The following ATP2C2 variants were observed in gnomAD, a reference collection of about 807,000 sequenced individuals.
The protein encoded by ATP2C2 is calcium-transporting ATPase type 2C member 2.
In ATP2C2, 171 loss-of-function variants were observed where a neutral mutation model predicts 110.8. The ratio of observed to expected loss-of-function variants is 1.54; its 90% CI spans 1.36 to 1.75. The LOEUF is 1.75. Among genes scored for constraint, ATP2C2 ranks in the 40% most tolerant of loss-of-function variants. ATP2C2 has a pLI of 0.00. For synonymous variants in ATP2C2, 804 were observed against 508.4 expected (o/e 1.58, Z -7.82); for missense variants, 1,963 against 1,235.0 (o/e 1.59, Z -8.84).
At chr16:84,407,097 G>T (rs533049108) in intron 3 of ATP2C2, 1 of 152,246 alleles carries the variant, frequency 6.6e-6, no homozygotes, top group East Asian at 1.9e-4. Context: ...TTGCGTATAC[G>T]GGTTCTGTCT....
At chr16:84,459,035 AC>A in intron 21 of ATP2C2, 84 bp from the exon 22 acceptor site, 4 of 1,455,696 alleles carry the variant, frequency 2.7e-6, no homozygotes, top group Non-Finnish European at 3.8e-6. Flanking sequence ...TGGGCGAGTC[AC>A]CACTGCCCCT....
At chr16:84,424,754 C>T (rs926472128) in intron 10 of ATP2C2, among the ~76,000 whole-genome samples, 1 of 151,784 alleles carries the variant, frequency 6.6e-6, no homozygotes, top group Non-Finnish European at 1.5e-5. Context: ...GGTGCAAATA[C>T]TCTCAGTGTG....
At chr16:84,424,522 C>T (rs1271866535) in intron 10 of ATP2C2, among the ~76,000 whole-genome samples, 1 of 150,570 alleles carries the variant, frequency 6.6e-6, no homozygotes, top group Non-Finnish European at 1.5e-5. Context: ...AAGTGATCTG[C>T]CCGCCTTGGC....
At chr16:84,448,125 G>T (rs1909927504) in intron 16 of ATP2C2, among the ~76,000 whole-genome samples, 1 of 152,080 alleles carries the variant, frequency 6.6e-6, no homozygotes, top group African/African-American at 2.4e-5. Context: ...AGTGCTGGGG[G>T]TGGGTACAAA....
At position 84,448,647 on chromosome 16, in the gene ATP2C2, T is replaced by C; in HGVS notation, c.1618T>C (p.Cys540Arg). The change falls in exon 17 of 27, where the codon TGC (cysteine) becomes CGC (arginine). Residue 540 changes from cysteine (C) to arginine (R), a missense_variant. Cys to Arg is a radical substitution (Grantham distance 180, BLOSUM62 -3). Coordinates refer to ENST00000262429, the MANE Select transcript of ATP2C2 (RefSeq NM_014861.4). ...GCTGACGCCCCAGCAGAGGTCATTC[T>C]GCCTGCAGGAAGAGAAGAGGATGGG... ...LPLTPQQRSFCLQEEKRMGSL... is the reference protein window; with the variant it reads ...LPLTPQQRSFRLQEEKRMGSL... The C allele has an allele frequency of 6.2e-7, 1 of 1,613,982 alleles. No individual in the cohort carries two copies. The highest frequency in any genetic ancestry group is 8.5e-7 in the Non-Finnish European group (1 of 1,179,920).
chr16:84,415,452 A>T, intron 6 of ATP2C2, 31 bp from the exon 7 acceptor site: 1 of 1,569,804 alleles, frequency 6.4e-7, no homozygotes, highest in Non-Finnish European at 8.8e-7. Flanking sequence ...GTCAGCATGG[A>T]TGCTTTTGCT....
chr16:84,398,525 C>T lies in ATP2C2; in HGVS notation c.126C>T (p.Ala42=), dbSNP rs767472467. ...TTGATGAACAGAGTGAGCTGAAAGC[C>T]ATCGAGAAAGAGAAGAAGGTGACAG... ...ALIDEQSELK[A]IEKEKKVTAL... is the part of the protein sequence containing the mutation. Residue 42 remains alanine, a synonymous_variant, in exon 2 of 27, where the codon GCC becomes GCT. Transcript: ENST00000262429. The T allele has an allele frequency of 6.2e-6, 10 of 1,612,408 alleles. No individual in the cohort carries two copies. Among genetic ancestry groups the T allele is most frequent in the East Asian group, 2.2e-5 (1 of 44,828 alleles).
intron 1 of ATP2C2, among the ~76,000 whole-genome samples, chr16:84,373,914 T>C (rs1910107323): frequency 6.6e-6 from 1 of 152,192 alleles, no homozygotes; most frequent in African/African-American, 2.4e-5. Flanking sequence ...CAAAATGACA[T>C]TTACATTTGT....
intron 21 of ATP2C2, among the ~76,000 whole-genome samples, chr16:84,458,492 TAATAAA>T (rs1910905533): frequency 4.2e-5 from 1 of 23,890 alleles, no homozygotes; most frequent in Non-Finnish European, 1.4e-4. Flanking sequence ...ACTTAGAGTA[TAATAAA>T]AAAAAAAAAA....
At chr16:84,439,584 T>TAG in intron 13 of ATP2C2, 60 bp downstream of exon 13, 1 of 1,473,022 alleles carries the variant, frequency 6.8e-7, no homozygotes, top group Non-Finnish European at 9.5e-7. Flanking sequence ...GTCTCCTTTC[T>TAG]AAACTAAGCA....
chr16:84,445,086 TG>T (rs1336800142), intron 15 of ATP2C2, among the ~76,000 whole-genome samples: 1 of 152,180 alleles, frequency 6.6e-6, no homozygotes, highest in African/African-American at 2.4e-5. Context: ...TCCCAGTTTC[TG>T]GGTGTTACTG....
Position 84,442,608 on chromosome 16 carries a change from T to TTCC in ATP2C2, c.1401+9_1401+10insTCC. On this transcript the variant is annotated intron_variant, in intron 15 of 26. Transcript: ENST00000262429. The stretch of plus-strand genomic sequence containing the variant: ...TGGCCCTGGCGATGAAGGTAGGAGG[T>TTCC]CCTGGGGTGGCTCTGCGGGGAATTC... 1 of 1,612,600 alleles carries TTCC rather than the reference T, an allele frequency of 6.2e-7. No homozygotes were observed. The highest frequency in any genetic ancestry group is 8.5e-7 in the Non-Finnish European group (1 of 1,179,208).
At chr16:84,446,026 G>A (rs1909716929) in intron 15 of ATP2C2, among the ~76,000 whole-genome samples, 1 of 152,194 alleles carries the variant, frequency 6.6e-6, no homozygotes, top group African/African-American at 2.4e-5. Flanking sequence ...CTGAGAAATT[G>A]CTACACCTTC....
chr16:84,399,743 C>G (rs762674678), intron 2 of ATP2C2, among the ~76,000 whole-genome samples: 3 of 152,154 alleles, frequency 2.0e-5, no homozygotes, highest in Admixed American at 1.3e-4. Flanking sequence ...TTACCTCAAG[C>G]ATTTATCCTT....
intron 13 of ATP2C2, among the ~76,000 whole-genome samples, chr16:84,440,403 G>T (rs1426344000): frequency 6.6e-6 from 1 of 152,240 alleles, no homozygotes; most frequent in Non-Finnish European, 1.5e-5. Context: ...GCCAGTGCTT[G>T]TTTGAAAATA....
rs182138561 is a variant in ATP2C2 at position 84,459,537 on chromosome 16, G to A, written c.2333+151G>A. ...CCAGAAAACTGAAGTGTGTTGCACT[G>A]CAGTGAGACTGGGAGTAGAAGGCAG... On this transcript the variant is annotated intron_variant, in intron 23 of 26. Transcript: ENST00000262429. 90 of 1,546,300 alleles carry A rather than the reference G, an allele frequency of 5.8e-5. 1 individual carries two copies. The African/African-American group carries it at 7.2e-4, about 12-fold the overall frequency.
intron 24 of ATP2C2, chr16:84,461,300 G>A (rs1911310402): frequency 6.8e-6 from 2 of 294,850 alleles, no homozygotes; most frequent in South Asian, 4.6e-5. Context: ...CCATGTGCAG[G>A]AAGCGGGAGG....
In ATP2C2 at chr16:84,389,855, G is replaced by A. The variant is rs371532900; in HGVS notation, c.100-8644G>A. On this transcript the variant is annotated intron_variant, in intron 1 of 26. Coordinates refer to ENST00000262429, the MANE Select transcript of ATP2C2 (RefSeq NM_014861.4). ...CCTGCCTCAGCCTCCCGAGTAGCTG[G>A]GACTACAGGCATGTGCTATCACGTT... is the stretch of plus-strand genomic sequence containing the variant. Among the ~76,000 whole-genome samples the A allele has an allele frequency of 5.3e-5, 8 of 151,996 alleles. No homozygotes were observed. The East Asian group carries it at 1.4e-3, about 26-fold the overall frequency.
intron 17 of ATP2C2, among the ~76,000 whole-genome samples, chr16:84,450,889 AG>A (rs1218950322): frequency 6.6e-6 from 1 of 152,030 alleles, no homozygotes; most frequent in Non-Finnish European, 1.5e-5. Context: ...AGAGCAAATG[AG>A]GGCAAGAACT....
Sources: allele counts gnomAD v4.1 joint callset (sites outside exome capture counted in the v4.1 genomes callset), GRCh38; gene constraint gnomAD v4.1.1; transcripts MANE v1.5; gene names NCBI Gene and HGNC (gene_info 2026-07-23, HGNC 2026-07-21).